The following LIPG variants were observed in gnomAD, a reference collection of about 807,000 sequenced individuals.
The protein encoded by LIPG is endothelial lipase.
A neutral mutation model predicts 51.8 loss-of-function variants in LIPG; 34 were observed. That is an observed-to-expected ratio of 0.66 (90% CI 0.50 to 0.87). The LOEUF (loss-of-function observed/expected upper bound fraction) is 0.87. LIPG is among the 40% of genes least tolerant of loss of function. The pLI, the probability that LIPG is intolerant of heterozygous loss-of-function variation, is 0.00. For synonymous variants in LIPG, 246 were observed against 246.1 expected, an observed-to-expected ratio of 1.00 and a Z score of 0.00; for missense variants, 580 against 652.7, an observed-to-expected ratio of 0.89 and a Z score of 1.21.
At chr18:49,565,143 T>C (rs954850859) in intron 1 of LIPG, among the ~76,000 whole-genome samples, 174 bp from the exon 2 acceptor site, 3 of 152,234 alleles carry the variant, frequency 2.0e-5, no homozygotes, top group African/African-American at 7.2e-5. Flanking sequence ...AGATGTCCTT[T>C]TTTATAAAAT....
intron 3 of LIPG, among the ~76,000 whole-genome samples, chr18:49,568,120 C>T (rs2084626712): frequency 6.6e-6 from 1 of 152,192 alleles, no homozygotes; most frequent in African/African-American, 2.4e-5. Context: ...ACCTCCACCT[C>T]CCAGGTTCAA....
In LIPG at chr18:49,575,326, G is replaced by A. The variant is rs374601310; in HGVS notation, c.572-43G>A. ...TGTAATCAGGACTCACTGACCAGGT[G>A]CACCTGACACCACAGCTGTTTTGGG... is the stretch of plus-strand genomic sequence containing the variant. On this transcript the variant is annotated intron_variant, in intron 4 of 9. Transcript: ENST00000261292. 1.0e-5 allele frequency: 16 copies of A among 1,538,122 alleles called. No homozygotes were observed. In the African/African-American group the frequency reaches 2.0e-4, roughly 20 times the overall value.
rs759131633 is a variant in LIPG, at chr18:49,581,625, AC to A, written c.1006del (p.Leu336Ter). 1 of 1,614,150 alleles carries A rather than the reference AC, an allele frequency of 6.2e-7. No individual in the cohort carries two copies. The highest frequency in any genetic ancestry group is 1.1e-5 in the South Asian group (1 of 91,082). Reference sequence around the variant, plus strand: ...AGGAACAAGAGGAACAGCAAAATGTACCTAAAAACCCGGGCAGGCATGCCTT... The same window carrying A: ...AGGAACAAGAGGAACAGCAAAATGTACTAAAAACCCGGGCAGGCATGCCTT... The part of the protein sequence containing the change: ...KMRNKRNSKM[Y>X]LKTRAGMPFR... On this transcript the variant is annotated frameshift_variant, in exon 6 of 10. Transcript: ENST00000261292. LOFTEE classifies it high-confidence loss of function.
Position 49,591,996 on chromosome 18 carries a change from G to A in LIPG, c.*1474G>A, listed in dbSNP as rs1303315674. The A allele has an allele frequency of 1.3e-5, 2 of 151,932 alleles. No individual in the cohort carries two copies. The highest frequency in any genetic ancestry group is 4.8e-5 in the African/African-American group (2 of 41,342). 9.4% of individuals were successfully genotyped at this position (151,932 alleles called of 1,614,324 possible). A position where few individuals can be genotyped will look rare whatever the true frequency, so the allele number is the denominator to read the frequency against. ...ACAAGGACTTTTTTTTTTATATAGAGCCATCCATAAAATCCTAAGCCCTTT... is the reference window on the plus strand; with the variant it reads ...ACAAGGACTTTTTTTTTTATATAGAACCATCCATAAAATCCTAAGCCCTTT... On this transcript the variant is annotated 3_prime_UTR_variant, in exon 10 of 10. Coordinates refer to ENST00000261292, the MANE Select transcript of LIPG (RefSeq NM_006033.4).
At chr18:49,586,919 G>A in intron 9 of LIPG, 69 bp downstream of exon 9, 4 of 1,144,076 alleles carry the variant, frequency 3.5e-6, no homozygotes, top group Non-Finnish European at 5.3e-6. Context: ...CATGTGCTGG[G>A]GATGGATCTG....
chr18:49,577,734 C>T (rs1412366671), intron 5 of LIPG, among the ~76,000 whole-genome samples: 6 of 79,826 alleles, frequency 7.5e-5, no homozygotes, highest in Non-Finnish European at 1.0e-4. Context: ...CACGGCTGGC[C>T]GGGCGGGGGG....
At chr18:49,583,142 GT>G (rs1353403804) in intron 7 of LIPG, among the ~76,000 whole-genome samples, 5 of 152,164 alleles carry the variant, frequency 3.3e-5, no homozygotes, top group Non-Finnish European at 7.3e-5. Context: ...GGGGGAGCTG[GT>G]TTTCCCCAGC....
At chr18:49,570,830 A>C (rs760699011) in intron 4 of LIPG, among the ~76,000 whole-genome samples, 1 of 152,254 alleles carries the variant, frequency 6.6e-6, no homozygotes, top group African/African-American at 2.4e-5. Flanking sequence ...CTCCGTCTCA[A>C]AAAACAAAAC....
chr18:49,561,511 G>T, upstream of LIPG: 1 of 433,858 alleles, frequency 2.3e-6, no homozygotes, highest in Non-Finnish European at 3.9e-6. Flanking sequence ...CCTTAGCTCC[G>T]CCGGGTTATT....
chr18:49,581,820 A>T, intron 6 of LIPG, 163 bp downstream of exon 6: 1 of 884,074 alleles, frequency 1.1e-6, no homozygotes, highest in Middle Eastern at 3.3e-4. Flanking sequence ...AGGAAAGGGA[A>T]TCTTTACAAA....
At chr18:49,561,961 A>G, upstream of LIPG, 1 of 1,376,126 alleles carries the variant, frequency 7.3e-7, no homozygotes, top group Non-Finnish European at 9.4e-7. Context: ...GTGACCAATC[A>G]GAGCCCAGAG....
intron 1 of LIPG, among the ~76,000 whole-genome samples, chr18:49,564,478 G>T (rs2084582069): frequency 6.6e-6 from 1 of 152,242 alleles, no homozygotes. Context: ...AGTGAAGCTG[G>T]AAGGGGGGAT....
Position 49,579,252 on chromosome 18 carries a change from C to T in LIPG, c.794-2163C>T, listed in dbSNP as rs533608010. ...AGAGGGAGAGGGCTCACCGGATACA[C>T]TCTATTTTAATTTTTGGTAACATTT... On this transcript the variant is annotated intron_variant, in intron 5 of 9. Transcript: ENST00000261292. Among the ~76,000 whole-genome samples the T allele has an allele frequency of 2.2e-5, 3 of 134,840 alleles. No homozygotes were observed. In the South Asian group the frequency reaches 7.6e-4, roughly 34 times the overall value. 88.5% of individuals were successfully genotyped at this position (134,840 alleles called of 152,430 possible).
At chr18:49,561,938 G>A, upstream of LIPG, 1 of 1,339,674 alleles carries the variant, frequency 7.5e-7, no homozygotes, top group Non-Finnish European at 9.5e-7. Flanking sequence ...CTCGGTTCCG[G>A]CGTCAGCAAG....
chr18:49,575,760 AC>A (rs1426636341), intron 5 of LIPG, among the ~76,000 whole-genome samples, 170 bp downstream of exon 5: 1 of 151,746 alleles, frequency 6.6e-6, no homozygotes, highest in African/African-American at 2.4e-5. Context: ...AGACTAACCA[AC>A]CCAGTGGTTC....
chr18:49,564,313 G>C (rs1222434309), intron 1 of LIPG, among the ~76,000 whole-genome samples: 2 of 152,208 alleles, frequency 1.3e-5, no homozygotes, highest in African/African-American at 4.8e-5. Flanking sequence ...TGCATCCCAG[G>C]ATGGCTGAAA....
intron 4 of LIPG, among the ~76,000 whole-genome samples, chr18:49,570,338 T>G (rs1481813630): frequency 6.6e-6 from 1 of 152,242 alleles, no homozygotes; most frequent in Non-Finnish European, 1.5e-5. Context: ...TTCTCATTTT[T>G]GGGCCCCTCA....
chr18:49,571,670 A>T (rs2084665327), intron 4 of LIPG, among the ~76,000 whole-genome samples: 1 of 152,144 alleles, frequency 6.6e-6, no homozygotes, highest in African/African-American at 2.4e-5. Context: ...TAGACTTCTC[A>T]TGGACCTGTG....
At chr18:49,585,624 A>G (rs2084872498) in intron 8 of LIPG, among the ~76,000 whole-genome samples, 1 of 152,216 alleles carries the variant, frequency 6.6e-6, no homozygotes, top group South Asian at 2.1e-4. Flanking sequence ...TGAGATGAAC[A>G]TCCTCTGCAT....
Sources: allele counts gnomAD v4.1 joint callset (sites outside exome capture counted in the v4.1 genomes callset), GRCh38; gene constraint gnomAD v4.1.1; transcripts MANE v1.5; gene names NCBI Gene and HGNC (gene_info 2026-07-23, HGNC 2026-07-21).